HTR4: variants seen among roughly 807,000 people sequenced by gnomAD.
HTR4 encodes 5-hydroxytryptamine (serotonin) receptor 4, G protein-coupled.
A neutral mutation model predicts 36.8 loss-of-function variants in HTR4; 16 were observed. That is an observed-to-expected ratio of 0.43 (90% CI 0.29 to 0.66). HTR4 has a LOEUF of 0.66. HTR4 is among the 30% of genes least tolerant of loss of function. The pLI, the probability that HTR4 is intolerant of heterozygous loss-of-function variation, is 0.13. For missense variants in HTR4, 438 were observed against 490.9 expected (o/e 0.89, Z 1.02); for synonymous variants, 189 against 185.1 (o/e 1.02, Z -0.17).
intron 2 of HTR4, among the ~76,000 whole-genome samples, chr5:148,614,510 C>T (rs1253313655): frequency 1.3e-5 from 2 of 152,080 alleles, no homozygotes; most frequent in Non-Finnish European, 2.9e-5. Flanking sequence ...CCCTTCCTTA[C>T]ACCTTATACA....
rs566251792 is a variant in HTR4, at chr5:148,582,450, AT to A, written c.27-32189del. Among the ~76,000 whole-genome samples, 1,069 of 151,858 alleles carry A rather than the reference AT, an allele frequency of 7.0e-3. 9 individuals carry two copies. Among genetic ancestry groups the A allele is most frequent in the African/African-American group, 0.024 (1,006 of 41,424 alleles). ...TAGTTTTTCAACCTTGTCCTCCTTC[AT>A]CCCCCCTTCATCCCTCCCTCCTCTA... On this transcript the variant is annotated intron_variant, in intron 2 of 6. Coordinates refer to ENST00000377888, the MANE Select transcript of HTR4 (RefSeq NM_000870.7).
chr5:148,500,639 C>A (rs1330337613), intron 6 of HTR4, among the ~76,000 whole-genome samples: 1 of 151,590 alleles, frequency 6.6e-6, no homozygotes, highest in African/African-American at 2.4e-5. Flanking sequence ...CAGAATATAA[C>A]AAAGAACACC....
chr5:148,519,192 CAT>C (rs1042704114), intron 5 of HTR4, among the ~76,000 whole-genome samples: 23 of 152,134 alleles, frequency 1.5e-4, no homozygotes, highest in Admixed American at 2.6e-4. Context: ...GATATTGAAA[CAT>C]GTGAAGAATT....
intron 2 of HTR4, among the ~76,000 whole-genome samples, chr5:148,624,757 G>T (rs1041618785): frequency 6.6e-6 from 1 of 152,158 alleles, no homozygotes; most frequent in Non-Finnish European, 1.5e-5. Flanking sequence ...GAGTGGAGAT[G>T]GGTAATGGTT....
At chr5:148,575,179 T>C (rs892665837) in intron 2 of HTR4, among the ~76,000 whole-genome samples, 3 of 152,014 alleles carry the variant, frequency 2.0e-5, no homozygotes, top group Non-Finnish European at 4.4e-5. Context: ...TTGAGGCTAG[T>C]GTAATCCTTA....
chr5:148,600,478 GA>G (rs34178135), intron 2 of HTR4, among the ~76,000 whole-genome samples: 1 of 149,616 alleles, frequency 6.7e-6, no homozygotes, highest in African/African-American at 2.5e-5. Flanking sequence ...AAATACTCCA[GA>G]AAAAAAATGT....
chr5:148,653,910 C>A (rs13173350), intron 1 of HTR4, among the ~76,000 whole-genome samples, 152 bp downstream of exon 1: 29,315 of 151,974 alleles, frequency 0.19, 3,399 homozygotes, highest in East Asian at 0.39. Flanking sequence ...CACCCTGAGC[C>A]GCCCCGAAGC....
At chr5:148,549,596 C>T (rs901519571) in intron 3 of HTR4, among the ~76,000 whole-genome samples, 35 of 152,260 alleles carry the variant, frequency 2.3e-4, no homozygotes, top group African/African-American at 8.2e-4. Flanking sequence ...CAAAGATTAC[C>T]AGATACAATA....
chr5:148,511,221 T>C (rs951440417), intron 5 of HTR4, among the ~76,000 whole-genome samples: 17 of 152,216 alleles, frequency 1.1e-4, no homozygotes, highest in Non-Finnish European at 1.9e-4. Flanking sequence ...AAAGTGTATA[T>C]ACAGATGAAT....
intron 6 of HTR4, among the ~76,000 whole-genome samples, chr5:148,509,043 AC>A (rs1757361858): frequency 6.6e-6 from 1 of 152,160 alleles, no homozygotes; most frequent in South Asian, 2.1e-4. Flanking sequence ...CTCTAAAGTA[AC>A]ACCTTTAAAT....
In HTR4 at chr5:148,549,379, C is replaced by T. The variant is rs193245222; in HGVS notation, c.153-511G>A. On this transcript the variant is annotated intron_variant, in intron 3 of 6. Transcript: ENST00000377888. ...ACATTTATAACACTGGTCAGAATTG[C>T]GCTTTTGCACTTTATTTGCATCATC... Among the ~76,000 whole-genome samples the T allele has an allele frequency of 1.2e-4, 18 of 152,294 alleles. No individual in the cohort carries two copies. The East Asian group carries it at 1.9e-3, about 16-fold the overall frequency.
intron 5 of HTR4, among the ~76,000 whole-genome samples, chr5:148,463,344 G>GT (rs112210576): frequency 0.05 from 7,335 of 147,204 alleles, 612 homozygotes; most frequent in African/African-American, 0.17. Context: ...AGCTATTTTT[G>GT]TTTTTTTTTG....
chr5:148,593,173 T>G (rs1193687252), intron 2 of HTR4, among the ~76,000 whole-genome samples: 2 of 152,186 alleles, frequency 1.3e-5, no homozygotes, highest in Non-Finnish European at 2.9e-5. Context: ...CCATTTTTGG[T>G]TGTGAGTTCC....
At chr5:148,518,816 C>A (rs1757878979) in intron 5 of HTR4, among the ~76,000 whole-genome samples, 1 of 152,156 alleles carries the variant, frequency 6.6e-6, no homozygotes, top group Non-Finnish European at 1.5e-5. Context: ...CACTTTTTTT[C>A]TTAGTGCTTA....
At chr5:148,605,915 C>G (rs1752140503) in intron 2 of HTR4, among the ~76,000 whole-genome samples, 2 of 152,098 alleles carry the variant, frequency 1.3e-5, no homozygotes, top group Non-Finnish European at 1.5e-5. Context: ...ATTAACACAA[C>G]TCAATTCTAC....
chr5:148,521,062 T>TCTCCA, intron 5 of HTR4: 1 of 1,327,536 alleles, frequency 7.5e-7, no homozygotes, highest in Non-Finnish European at 1.0e-6. Context: ...TAATCTCTCC[T>TCTCCA]CTCCACTCCA....
chr5:148,642,144 C>A (rs1413338935), intron 1 of HTR4, among the ~76,000 whole-genome samples: 1 of 152,136 alleles, frequency 6.6e-6, no homozygotes, highest in Non-Finnish European at 1.5e-5. Context: ...TATCCCAATA[C>A]CTTTCTTTTG....
At chr5:148,517,635 CAAAAAA>C (rs3041923) in intron 5 of HTR4, among the ~76,000 whole-genome samples, 5 of 142,482 alleles carry the variant, frequency 3.5e-5, no homozygotes, top group Admixed American at 1.4e-4. Context: ...TCTAATTTTT[CAAAAAA>C]AAAAAAAAAT....
At chr5:148,598,427 C>T (rs1320064128) in intron 2 of HTR4, among the ~76,000 whole-genome samples, 2 of 151,980 alleles carry the variant, frequency 1.3e-5, no homozygotes, top group Non-Finnish European at 2.9e-5. Flanking sequence ...CGCCTGAGTC[C>T]CAGGTACTAA....
Sources: allele counts gnomAD v4.1 joint callset (sites outside exome capture counted in the v4.1 genomes callset), GRCh38; gene constraint gnomAD v4.1.1; transcripts MANE v1.5; gene names NCBI Gene and HGNC (gene_info 2026-07-23, HGNC 2026-07-21).